GPHN: variants seen among roughly 807,000 people sequenced by gnomAD.
GPHN encodes the protein gephyrin.
In GPHN, 17 loss-of-function variants were observed where a neutral mutation model predicts 95.5. That is an observed-to-expected ratio of 0.18 (90% CI 0.12 to 0.27). The LOEUF is 0.27. Ranked by LOEUF, GPHN falls within the 10% of genes least tolerant of loss-of-function variation. The probability of loss-of-function intolerance (pLI) is 1.00; values close to 1 mark genes in which losing one functional copy is unlikely to be tolerated. For missense variants in GPHN, 660 were observed against 978.1 expected (o/e 0.67, Z 4.34); for synonymous variants, 320 against 322.5 (o/e 0.99, Z 0.08).
At chr14:66,754,144 A>G (rs1311810569) in intron 2 of GPHN, among the ~76,000 whole-genome samples, 2 of 152,096 alleles carry the variant, frequency 1.3e-5, no homozygotes, top group South Asian at 2.1e-4. Context: ...CTTTTTGTCT[A>G]TTATCAATAA....
At chr14:66,605,266 C>T (rs2062467372) in intron 1 of GPHN, among the ~76,000 whole-genome samples, 1 of 151,992 alleles carries the variant, frequency 6.6e-6, no homozygotes. Flanking sequence ...GTTTTTGAGA[C>T]ATCTCTCAAC....
intron 1 of GPHN, among the ~76,000 whole-genome samples, chr14:66,518,839 G>T (rs2058363162): frequency 6.6e-6 from 1 of 152,040 alleles, no homozygotes; most frequent in Non-Finnish European, 1.5e-5. Flanking sequence ...AAGAGGCGGG[G>T]GAAGGGGATA....
chr14:66,860,124 A>T (rs987353613), intron 4 of GPHN, among the ~76,000 whole-genome samples: 2 of 152,198 alleles, frequency 1.3e-5, no homozygotes, highest in African/African-American at 4.8e-5. Flanking sequence ...CAAGAAGGTT[A>T]TAGATAACAC....
chr14:66,630,272 G>A (rs1027628939), intron 1 of GPHN, among the ~76,000 whole-genome samples: 1 of 152,158 alleles, frequency 6.6e-6, no homozygotes, highest in Non-Finnish European at 1.5e-5. Flanking sequence ...AAGTTTATAA[G>A]TAGAGAATTT....
chr14:67,131,942 T>C (rs1171197453), intron 17 of GPHN, among the ~76,000 whole-genome samples: 1 of 152,134 alleles, frequency 6.6e-6, no homozygotes, highest in Non-Finnish European at 1.5e-5. Context: ...TTTCAAGGCC[T>C]GAAGGAAGGG....
chr14:67,012,454 G>A (rs372026418), intron 9 of GPHN, among the ~76,000 whole-genome samples: 4 of 152,096 alleles, frequency 2.6e-5, no homozygotes, highest in African/African-American at 7.2e-5. Context: ...CTGAACACCC[G>A]TGTGTCTTTT....
chr14:67,550,398 A>G, the GPHN span, among the ~76,000 whole-genome samples: 1 of 152,218 alleles, frequency 6.6e-6, no homozygotes, highest in African/African-American at 2.4e-5. Flanking sequence ...CATGTTGTCC[A>G]GGCTGGTCTC....
intron 17 of GPHN, among the ~76,000 whole-genome samples, chr14:67,134,987 T>C (rs1308047933): frequency 2.2e-5 from 3 of 133,666 alleles, no homozygotes; most frequent in African/African-American, 8.6e-5. Context: ...TTTGACAGAG[T>C]CTTACTCTGT....
At chr14:67,318,113 G>C in the GPHN span, among the ~76,000 whole-genome samples, 1 of 152,066 alleles carries the variant, frequency 6.6e-6, no homozygotes, top group African/African-American at 2.4e-5. Flanking sequence ...GTTTTTATGG[G>C]CATTTGAGTT....
the GPHN span, among the ~76,000 whole-genome samples, chr14:67,358,195 C>CT: frequency 6.6e-6 from 1 of 152,156 alleles, no homozygotes; most frequent in Non-Finnish European, 1.5e-5. Flanking sequence ...GAAGTTTTGA[C>CT]TGAGTCATCA....
At chr14:67,515,325 C>T in the GPHN span, 1 of 158,586 alleles carries the variant, frequency 6.3e-6, no homozygotes, top group East Asian at 1.9e-4. Flanking sequence ...CGCGCCTAGT[C>T]CCGCATTGTG....
the GPHN span, among the ~76,000 whole-genome samples, chr14:67,625,680 CAAAAAAAAAAA>C: frequency 3.1e-5 from 1 of 32,128 alleles, no homozygotes; most frequent in African/African-American, 1.0e-4. Context: ...AACTCCATCT[CAAAAAAAAAAA>C]AAAAAAAAAG....
the GPHN span, chr14:67,678,404 C>T: frequency 1.2e-6 from 2 of 1,613,400 alleles, no homozygotes; most frequent in Non-Finnish European, 1.7e-6. Flanking sequence ...TGGGCAGAGA[C>T]CCATGCCACA....
chr14:67,268,534 C>CG, the GPHN span, among the ~76,000 whole-genome samples: 1 of 152,118 alleles, frequency 6.6e-6, no homozygotes, highest in African/African-American at 2.4e-5. Context: ...ATGAATTTTC[C>CG]GGGGGAAAGG....
At chr14:67,408,280 C>T in the GPHN span, among the ~76,000 whole-genome samples, 1 of 124,038 alleles carries the variant, frequency 8.1e-6, no homozygotes. Flanking sequence ...GAGCAAAATT[C>T]GGTCTCAAAA....
intron 1 of GPHN, among the ~76,000 whole-genome samples, chr14:66,514,299 C>G (rs1187303996): frequency 1.3e-5 from 2 of 151,944 alleles, no homozygotes; most frequent in East Asian, 3.8e-4. Context: ...AGCTCCAGAT[C>G]TCGTCATTCT....
intron 4 of GPHN, among the ~76,000 whole-genome samples, chr14:66,830,308 C>T (rs1450843760): frequency 2.0e-5 from 3 of 151,668 alleles, no homozygotes; most frequent in Non-Finnish European, 4.4e-5. Flanking sequence ...GCTTTTTTGC[C>T]ATATTGAAGT....
the GPHN span, among the ~76,000 whole-genome samples, chr14:67,687,812 C>T: frequency 2.1e-5 from 3 of 145,244 alleles, no homozygotes; most frequent in South Asian, 4.4e-4. Context: ...TTACTCGTGA[C>T]GCCCAGGCTG....
At chr14:67,219,093 A>G in the GPHN span, among the ~76,000 whole-genome samples, 1 of 152,000 alleles carries the variant, frequency 6.6e-6, no homozygotes, top group Middle Eastern at 3.2e-3. Flanking sequence ...TTTGGCTCAC[A>G]GGTGGTGATT....
Sources: allele counts gnomAD v4.1 joint callset (sites outside exome capture counted in the v4.1 genomes callset), GRCh38; gene constraint gnomAD v4.1.1; transcripts MANE v1.5; gene names NCBI Gene and HGNC (gene_info 2026-07-23, HGNC 2026-07-21).